CACNA2D3: variants seen among roughly 807,000 people sequenced by gnomAD.
CACNA2D3 encodes the protein calcium voltage-gated channel auxiliary subunit alpha2delta 3.
CACNA2D3 carries 60 observed loss-of-function variants against 160.6 expected under a neutral mutation model. The observed-to-expected ratio is 0.37, with a 90% CI of 0.30 to 0.46. The LOEUF is 0.46. Ranked by LOEUF, CACNA2D3 falls within the 20% of genes least tolerant of loss-of-function variation. The pLI is 1.00. For synonymous variants in CACNA2D3, 558 were observed against 492.9 expected (o/e 1.13, Z -1.75); for missense variants, 1,205 against 1,365.0 (o/e 0.88, Z 1.85).
intron 27 of CACNA2D3, among the ~76,000 whole-genome samples, chr3:54,900,813 G>T (rs575501988): frequency 3.6e-4 from 55 of 152,202 alleles, no homozygotes; most frequent in African/African-American, 1.2e-3. Context: ...GTTTGAAGTG[G>T]TTGTTCTTTG....
chr3:54,982,820 T>C (rs894570721), intron 29 of CACNA2D3, among the ~76,000 whole-genome samples: 9 of 152,080 alleles, frequency 5.9e-5, no homozygotes, highest in African/African-American at 1.7e-4. Flanking sequence ...TTCTATACTG[T>C]CATGGCATTG....
At chr3:54,643,235 A>G (rs1699562941) in intron 11 of CACNA2D3, among the ~76,000 whole-genome samples, 2 of 152,288 alleles carry the variant, frequency 1.3e-5, no homozygotes, top group South Asian at 4.1e-4. Context: ...ACGGGAGACA[A>G]ATGACAGCTG....
chr3:54,773,785 A>G (rs1354388023), intron 13 of CACNA2D3, among the ~76,000 whole-genome samples: 11 of 152,290 alleles, frequency 7.2e-5, no homozygotes, highest in African/African-American at 2.6e-4. Flanking sequence ...AGAGTTTTCT[A>G]TTAAACAGAG....
intron 2 of CACNA2D3, among the ~76,000 whole-genome samples, chr3:54,299,846 A>G (rs1171242828): frequency 6.6e-6 from 1 of 152,214 alleles, no homozygotes; most frequent in African/African-American, 2.4e-5. Context: ...TGGAAGATAA[A>G]TATTTGGTAA....
At chr3:54,416,840 T>G (rs1454676734) in intron 4 of CACNA2D3, among the ~76,000 whole-genome samples, 2 of 152,206 alleles carry the variant, frequency 1.3e-5, no homozygotes, top group South Asian at 2.1e-4. Context: ...GCTGTTAAAT[T>G]AATACTTATA....
At chr3:54,212,450 A>G (rs1050133919) in intron 2 of CACNA2D3, among the ~76,000 whole-genome samples, 1 of 152,100 alleles carries the variant, frequency 6.6e-6, no homozygotes, top group Non-Finnish European at 1.5e-5. Context: ...AATAGAAAGG[A>G]TTGTCTGGGT....
chr3:54,515,315 C>G (rs1438600515), intron 5 of CACNA2D3, among the ~76,000 whole-genome samples: 1 of 152,054 alleles, frequency 6.6e-6, no homozygotes, highest in Non-Finnish European at 1.5e-5. Flanking sequence ...TTCTACCCTT[C>G]TGTTCAGTTT....
intron 13 of CACNA2D3, among the ~76,000 whole-genome samples, chr3:54,768,693 C>T (rs1443481261): frequency 2.0e-5 from 3 of 152,196 alleles, no homozygotes; most frequent in Non-Finnish European, 2.9e-5. Context: ...TAACATTTCA[C>T]GTGGCCCATT....
chr3:54,999,006 A>G (rs892528494), intron 31 of CACNA2D3, among the ~76,000 whole-genome samples: 1 of 152,114 alleles, frequency 6.6e-6, no homozygotes, highest in Non-Finnish European at 1.5e-5. Context: ...TTGGCCTCCC[A>G]AAGTGCTGGG....
chr3:54,484,779 C>T (rs377364698), intron 4 of CACNA2D3, among the ~76,000 whole-genome samples: 132 of 151,878 alleles, frequency 8.7e-4, no homozygotes, highest in African/African-American at 3.0e-3. Flanking sequence ...TGCAGAAACC[C>T]TTTTTAGTCT....
chr3:54,299,598 G>A (rs760953809), intron 2 of CACNA2D3, among the ~76,000 whole-genome samples: 14 of 152,184 alleles, frequency 9.2e-5, no homozygotes, highest in Non-Finnish European at 1.6e-4. Flanking sequence ...TTCAATTAAC[G>A]AGAGAGCCCA....
At chr3:54,667,787 A>AT (rs527400094) in intron 11 of CACNA2D3, among the ~76,000 whole-genome samples, 5 of 151,834 alleles carry the variant, frequency 3.3e-5, no homozygotes, top group South Asian at 2.1e-4. Context: ...CCTAAAAATA[A>AT]TTTTTTTTAA....
At chr3:55,042,404 A>G (rs553831720) in intron 35 of CACNA2D3, among the ~76,000 whole-genome samples, 2 of 152,130 alleles carry the variant, frequency 1.3e-5, no homozygotes, top group Non-Finnish European at 2.9e-5. Context: ...CTCTTAGAAT[A>G]TGGCCGTCTT....
At chr3:54,341,152 A>G (rs1451766676) in intron 3 of CACNA2D3, among the ~76,000 whole-genome samples, 1 of 152,200 alleles carries the variant, frequency 6.6e-6, no homozygotes, top group African/African-American at 2.4e-5. Flanking sequence ...TTTTCATCAC[A>G]TGAGCTAATA....
chr3:54,835,765 T>C (rs745437046), intron 14 of CACNA2D3, among the ~76,000 whole-genome samples: 1 of 152,202 alleles, frequency 6.6e-6, no homozygotes, highest in Non-Finnish European at 1.5e-5. Context: ...ACTTGCCTGG[T>C]CAATTTTGGT....
intron 26 of CACNA2D3, among the ~76,000 whole-genome samples, chr3:54,898,068 T>C (rs906474711): frequency 2.6e-5 from 4 of 151,560 alleles, no homozygotes; most frequent in Admixed American, 6.6e-5. Flanking sequence ...GAAGCTCGCT[T>C]GCTTGCTTGC....
chr3:55,017,583 G>C (rs1198110611), intron 34 of CACNA2D3, among the ~76,000 whole-genome samples: 4 of 152,116 alleles, frequency 2.6e-5, no homozygotes, highest in Non-Finnish European at 5.9e-5. Context: ...AGAAAATTGA[G>C]ACCTAGTGAG....
chr3:54,241,951 A>G (rs974570566), intron 2 of CACNA2D3, among the ~76,000 whole-genome samples: 4 of 152,210 alleles, frequency 2.6e-5, no homozygotes, highest in Admixed American at 6.5e-5. Flanking sequence ...GAGAGTTTGT[A>G]TAGTAGTTCC....
chr3:54,993,914 G>T (rs1045399063), intron 31 of CACNA2D3, among the ~76,000 whole-genome samples: 4 of 146,810 alleles, frequency 2.7e-5, no homozygotes, highest in African/African-American at 1.0e-4. Context: ...GTGTGTGTGT[G>T]TGTGTGTTTT....
Sources: gnomAD v4.1 joint callset for allele counts (sites outside exome capture counted in the v4.1 genomes callset) on GRCh38, gnomAD v4.1.1 for gene constraint, MANE v1.5 for transcripts, NCBI Gene and HGNC (gene_info 2026-07-23, HGNC 2026-07-21) for gene names.